Variants in CFAP61 observed in about 807,000 individuals in gnomAD.
The protein encoded by CFAP61 is cilia- and flagella-associated protein 61.
A neutral mutation model predicts 135.6 loss-of-function variants in CFAP61; 107 were observed. The observed-to-expected ratio is 0.79, with a 90% CI of 0.67 to 0.93. The LOEUF is 0.93. Ranked by LOEUF, CFAP61 falls within the 40% of genes least tolerant of loss-of-function variation. CFAP61 has a pLI of 0.00. For synonymous variants in CFAP61, 575 were observed against 578.5 expected, an observed-to-expected ratio of 0.99 and a Z score of 0.09; for missense variants, 1,507 against 1,556.2, an observed-to-expected ratio of 0.97 and a Z score of 0.53.
At chr20:20,099,079 C>A (rs771332447) in intron 8 of CFAP61, among the ~76,000 whole-genome samples, 3 of 151,384 alleles carry the variant, frequency 2.0e-5, no homozygotes, top group Non-Finnish European at 2.9e-5. Context: ...ATGTTCATTG[C>A]TAGAGTACAT....
In CFAP61 at chr20:20,052,549, T is replaced by G; in HGVS notation, c.-79T>G. On this transcript the variant is annotated 5_prime_UTR_variant, in exon 1 of 27. Transcript: ENST00000245957. ...TGGTGACCAGGCTGCGCGTCCTCCT[T>G]GCGGCAGCGCGTGGAGTGCGGCGTC... 1 of 1,614,146 alleles carries G rather than the reference T, an allele frequency of 6.2e-7. No homozygotes were observed. Among genetic ancestry groups the G allele is most frequent in the Non-Finnish European group, 8.5e-7 (1 of 1,180,002 alleles).
At chr20:20,114,625 A>C (rs2049016397) in intron 8 of CFAP61, among the ~76,000 whole-genome samples, 1 of 152,090 alleles carries the variant, frequency 6.6e-6, no homozygotes, top group Admixed American at 6.6e-5. Context: ...GATTGACCTT[A>C]TGTCTGGCAA....
chr20:20,298,221 A>T lies in CFAP61; in HGVS notation c.3257A>T (p.Tyr1086Phe). Residue 1086 changes from tyrosine (Y) to phenylalanine (F), a missense_variant, in exon 25 of 27, where the codon TAC (tyrosine) becomes TTC (phenylalanine). Coordinates refer to ENST00000245957, the MANE Select transcript of CFAP61 (RefSeq NM_015585.4). ...LVTGSAKNGT[Y>F]FRIHINKYKM... Reference sequence around the variant, plus strand: ...ACCGGCAGTGCGAAAAATGGGACTTACTTCCGAATTCATATTAACAAGTAT... The same window carrying T: ...ACCGGCAGTGCGAAAAATGGGACTTTCTTCCGAATTCATATTAACAAGTAT... 1.9e-6 allele frequency: 3 copies of T among 1,614,142 alleles called. No homozygotes were observed. The highest frequency in any genetic ancestry group is 2.5e-6 in the Non-Finnish European group (3 of 1,180,012).
chr20:20,303,033 A>C (rs2056204924), intron 25 of CFAP61, among the ~76,000 whole-genome samples: 3 of 152,206 alleles, frequency 2.0e-5, no homozygotes, highest in African/African-American at 7.2e-5. Flanking sequence ...AAATAATGAA[A>C]ACTGCAAGTA....
At chr20:20,070,145 C>T (rs2045602529) in intron 2 of CFAP61, among the ~76,000 whole-genome samples, 1 of 152,140 alleles carries the variant, frequency 6.6e-6, no homozygotes, top group African/African-American at 2.4e-5. Flanking sequence ...GAGACAACCA[C>T]CAGAATAAGA....
At chr20:20,155,097 T>C (rs1277917340) in intron 9 of CFAP61, among the ~76,000 whole-genome samples, 3 of 151,976 alleles carry the variant, frequency 2.0e-5, no homozygotes, top group Admixed American at 6.5e-5. Context: ...CAGAACAGAA[T>C]AGAGAACCCA....
At chr20:20,062,910 ACCT>A (rs1400564906) in intron 2 of CFAP61, among the ~76,000 whole-genome samples, 1 of 152,168 alleles carries the variant, frequency 6.6e-6, no homozygotes, top group Non-Finnish European at 1.5e-5. Context: ...CTGTAGAGTA[ACCT>A]CCTGTCACTT....
At chr20:20,171,694 C>T in intron 13 of CFAP61, 6 of 571,778 alleles carry the variant, frequency 1.0e-5, no homozygotes, top group Non-Finnish European at 1.9e-5. Context: ...GAGGCACAGG[C>T]ATTACTGTAA....
intron 26 of CFAP61, among the ~76,000 whole-genome samples, chr20:20,357,965 T>G (rs1602194978): frequency 4.0e-5 from 2 of 49,812 alleles, no homozygotes; most frequent in Admixed American, 2.8e-4. Flanking sequence ...GGGGAGGTGG[T>G]CATAGTGTGA....
Position 20,251,615 on chromosome 20 carries a change from A to G in CFAP61, c.2180A>G (p.Asp727Gly). 6.2e-7 allele frequency: 1 copy of G among 1,614,136 alleles called. No individual in the cohort carries two copies. The highest frequency in any genetic ancestry group is 2.2e-5 in the East Asian group (1 of 44,884). Reference protein sequence around the residue: ...LASDHCFNDKDYALMSLCSWV... With the variant: ...LASDHCFNDKGYALMSLCSWV... ...TGCAGCCACTGTTTTAATGATAAAGATTATGCACTGATGTCACTGTGCTCC... is the reference window on the plus strand; with the variant it reads ...TGCAGCCACTGTTTTAATGATAAAGGTTATGCACTGATGTCACTGTGCTCC... Residue 727 changes from aspartate (D) to glycine (G), a missense_variant, in exon 20 of 27, where the codon GAT becomes GGT. Asp to Gly is a moderately conservative substitution (Grantham distance 94). Coordinates refer to ENST00000245957, the MANE Select transcript of CFAP61 (RefSeq NM_015585.4).
At chr20:20,279,903 G>A (rs965868763) in intron 22 of CFAP61, among the ~76,000 whole-genome samples, 8 of 152,008 alleles carry the variant, frequency 5.3e-5, no homozygotes, top group African/African-American at 1.9e-4. Flanking sequence ...CATGGGAAGC[G>A]GGGAGTCAGG....
At chr20:20,226,507 T>C (rs1358701130) in intron 17 of CFAP61, among the ~76,000 whole-genome samples, 1 of 152,204 alleles carries the variant, frequency 6.6e-6, no homozygotes. Context: ...ATTGTGGCAA[T>C]ATCTGACTGA....
chr20:20,091,403 C>T (rs1453468933), intron 7 of CFAP61, among the ~76,000 whole-genome samples: 1 of 152,088 alleles, frequency 6.6e-6, no homozygotes, highest in African/African-American at 2.4e-5. Context: ...AAGTTTATAA[C>T]TACCCAGATT....
At chr20:20,125,106 C>T (rs918954736) in intron 8 of CFAP61, among the ~76,000 whole-genome samples, 3 of 151,618 alleles carry the variant, frequency 2.0e-5, no homozygotes, top group Non-Finnish European at 4.4e-5. Context: ...TGAATATTCT[C>T]TCTTCTTTTC....
At chr20:20,231,507 T>C (rs1319290860) in intron 18 of CFAP61, among the ~76,000 whole-genome samples, 1 of 152,048 alleles carries the variant, frequency 6.6e-6, no homozygotes, top group Non-Finnish European at 1.5e-5. Flanking sequence ...GCTTCTACAG[T>C]CTCCCTCAGC....
At chr20:20,343,100 G>A (rs897513467) in intron 26 of CFAP61, among the ~76,000 whole-genome samples, 15 of 152,064 alleles carry the variant, frequency 9.9e-5, no homozygotes, top group African/African-American at 2.2e-4. Context: ...CAGGTGATCC[G>A]CCCGCCTCGG....
chr20:20,169,451 G>T lies in CFAP61; in HGVS notation c.1376G>T (p.Gly459Val), dbSNP rs375677296. 4 of 1,612,728 alleles carry T rather than the reference G, an allele frequency of 2.5e-6. No individual in the cohort carries two copies. In the African/African-American group the frequency reaches 5.3e-5, roughly 22 times the overall value. ...GACCTCTACGTCTTCCACCGGGCTG[G>T]ATTGCTCAAGTGAGTAGACACATGT... The part of the protein sequence containing the change: ...EQDLYVFHRA[G>V]LLKSINIRFA... The change falls in exon 13 of 27, where the codon GGA becomes GTA. Residue 459 changes from glycine to valine, a missense_variant. Gly to Val is a moderately radical substitution (Grantham distance 109). Coordinates refer to ENST00000245957, the MANE Select transcript of CFAP61 (RefSeq NM_015585.4).
At chr20:20,118,448 C>A (rs2049352438) in intron 8 of CFAP61, among the ~76,000 whole-genome samples, 1 of 151,516 alleles carries the variant, frequency 6.6e-6, no homozygotes, top group Non-Finnish European at 1.5e-5. Context: ...TCAAGCAGTT[C>A]TCCTGCTTCA....
At chr20:20,323,872 A>T (rs2057645826) in intron 25 of CFAP61, among the ~76,000 whole-genome samples, 1 of 152,168 alleles carries the variant, frequency 6.6e-6, no homozygotes. Flanking sequence ...GCTGATTTGC[A>T]GCTTGCTATT....
Sources: allele counts gnomAD v4.1 joint callset (sites outside exome capture counted in the v4.1 genomes callset), GRCh38; gene constraint gnomAD v4.1.1; transcripts MANE v1.5; gene names NCBI Gene and HGNC (gene_info 2026-07-23, HGNC 2026-07-21).